CCDC30: variants seen among roughly 807,000 people sequenced by gnomAD.
CCDC30 encodes the protein coiled-coil domain-containing protein 30.
In CCDC30, 70 loss-of-function variants were observed where a neutral mutation model predicts 100.2. The ratio of observed to expected loss-of-function variants is 0.70; its 90% CI spans 0.58 to 0.85. The LOEUF is 0.85. CCDC30 is among the 40% of genes least tolerant of loss of function. The pLI, the probability that CCDC30 is intolerant of heterozygous loss-of-function variation, is 0.00. For missense variants in CCDC30, 652 were observed against 771.2 expected, an observed-to-expected ratio of 0.85 and a Z score of 1.83; for synonymous variants, 233 against 269.5, an observed-to-expected ratio of 0.86 and a Z score of 1.33.
At chr1:42,537,406 A>G (rs1644926166) in intron 6 of CCDC30, 2 of 368,762 alleles carry the variant, frequency 5.4e-6, no homozygotes, top group African/African-American at 4.3e-5. Flanking sequence ...CAGTGAAATA[A>G]GATAGGAAAT....
At chr1:42,538,601 A>C (rs539350291) in intron 6 of CCDC30, among the ~76,000 whole-genome samples, 1 of 152,272 alleles carries the variant, frequency 6.6e-6, no homozygotes, top group Admixed American at 6.5e-5. Flanking sequence ...GCGAGACCGC[A>C]TCAATATAAA....
At chr1:42,471,904 A>G (rs1329049533) in intron 1 of CCDC30, among the ~76,000 whole-genome samples, 1 of 152,230 alleles carries the variant, frequency 6.6e-6, no homozygotes, top group Non-Finnish European at 1.5e-5. Context: ...AAAAAGCAAA[A>G]TAGTATATTT....
intron 6 of CCDC30, among the ~76,000 whole-genome samples, chr1:42,501,108 AG>A (rs1333434615): frequency 1.3e-5 from 2 of 152,176 alleles, no homozygotes; most frequent in Non-Finnish European, 2.9e-5. Context: ...ATCTACTCTA[AG>A]GTCACAAAAT....
chr1:42,529,464 T>TC (rs1644774705), intron 6 of CCDC30: 1 of 109,666 alleles, frequency 9.1e-6, no homozygotes, highest in Non-Finnish European at 1.9e-5. Flanking sequence ...AGAGCAAAAC[T>TC]CCATCTCAAA....
At chr1:42,560,895 G>C (rs184799460) in intron 6 of CCDC30, among the ~76,000 whole-genome samples, 2 of 152,222 alleles carry the variant, frequency 1.3e-5, no homozygotes, top group African/African-American at 4.8e-5. Context: ...ACCCTACCAA[G>C]ACTAAACCAG....
intron 1 of CCDC30, among the ~76,000 whole-genome samples, chr1:42,465,783 G>C (rs1232379345): frequency 6.6e-6 from 1 of 152,104 alleles, no homozygotes; most frequent in Non-Finnish European, 1.5e-5. Flanking sequence ...ACATATAGTT[G>C]GTAGAGATCA....
chr1:42,513,723 T>A (rs1200026166), intron 6 of CCDC30, among the ~76,000 whole-genome samples: 3 of 152,224 alleles, frequency 2.0e-5, no homozygotes, highest in Non-Finnish European at 4.4e-5. Context: ...TCTTTTTAAC[T>A]CCTATATCAT....
intron 6 of CCDC30, among the ~76,000 whole-genome samples, chr1:42,528,950 A>T (rs12407834): frequency 0.39 from 58,720 of 152,110 alleles, 11,804 homozygotes; most frequent in East Asian, 0.59. Context: ...GTACCAGAAT[A>T]GTGTATGTGT....
In CCDC30 at chr1:42,644,457, C is replaced by T. The variant is rs371560885; in HGVS notation, c.1557-236C>T. Among the ~76,000 whole-genome samples, 357 of 152,304 alleles carry T rather than the reference C, an allele frequency of 2.3e-3. 1 individual carries two copies. Among genetic ancestry groups the T allele is most frequent in the Non-Finnish European group, 4.1e-3 (278 of 68,024 alleles). On this transcript the variant is annotated intron_variant, in intron 13 of 16. Coordinates refer to ENST00000668663, the Ensembl canonical transcript of CCDC30. ...CAAATGTTAATCTCCTTTGGCAACA[C>T]CCTCACGGACACACCCAGGATAATA... is the stretch of plus-strand genomic sequence containing the variant.
At chr1:42,647,144 C>T (rs143189419) in intron 15 of CCDC30, among the ~76,000 whole-genome samples, 159 of 151,962 alleles carry the variant, frequency 1.0e-3, no homozygotes, top group African/African-American at 3.8e-3. Context: ...TAAAAGTCAG[C>T]AAGTAGCTGA....
intron 9 of CCDC30, among the ~76,000 whole-genome samples, chr1:42,584,554 C>G (rs1203309590): frequency 6.6e-6 from 1 of 152,116 alleles, no homozygotes; most frequent in African/African-American, 2.4e-5. Context: ...GATGGCGCCA[C>G]TGCACTCCAA....
chr1:42,605,383 C>A (rs894572887), intron 10 of CCDC30, among the ~76,000 whole-genome samples: 1 of 152,186 alleles, frequency 6.6e-6, no homozygotes, highest in African/African-American at 2.4e-5. Context: ...CCTTTGGATG[C>A]CTTTTTCTCC....
At chr1:42,631,389 C>G (rs1444573556) in intron 11 of CCDC30, among the ~76,000 whole-genome samples, 1 of 152,162 alleles carries the variant, frequency 6.6e-6, no homozygotes, top group Non-Finnish European at 1.5e-5. Context: ...ACACAAGCAC[C>G]CTTATGGCCA....
intron 11 of CCDC30, among the ~76,000 whole-genome samples, chr1:42,636,293 C>A (rs751812024): frequency 2.6e-4 from 39 of 152,126 alleles, no homozygotes; most frequent in Admixed American, 5.2e-4. Flanking sequence ...GTGGTGTGCA[C>A]TACTTGGGAT....
At chr1:42,656,664 A>G (rs1247119137), downstream of CCDC30, among the ~76,000 whole-genome samples, 1 of 152,106 alleles carries the variant, frequency 6.6e-6, no homozygotes, top group Non-Finnish European at 1.5e-5. Context: ...AAATAATAAA[A>G]TAAATAAAAA....
At chr1:42,482,605 A>C (rs1335970544) in intron 2 of CCDC30, 58 bp from the exon 3 acceptor site, 1 of 1,104,818 alleles carries the variant, frequency 9.1e-7, no homozygotes, top group East Asian at 3.2e-5. Context: ...GAAAATAGCA[A>C]AATGTCATGA....
At chr1:42,655,867 C>CT (rs766715541), downstream of CCDC30, among the ~76,000 whole-genome samples, 23,058 of 87,460 alleles carry the variant, frequency 0.26, 3,278 homozygotes, top group Non-Finnish European at 0.3. Flanking sequence ...GCTGTTTTTA[C>CT]TTTTTTTTTT....
intron 12 of CCDC30, among the ~76,000 whole-genome samples, chr1:42,639,972 A>C (rs1001163773): frequency 4.6e-5 from 7 of 152,048 alleles, no homozygotes; most frequent in Non-Finnish European, 8.8e-5. Flanking sequence ...GTCTCAAAAA[A>C]AAAAAAAAAA....
At chr1:42,456,992 A>G in the CCDC30 span, 2 of 1,602,320 alleles carry the variant, frequency 1.2e-6, no homozygotes, top group Non-Finnish European at 1.7e-6. Context: ...GGCTGCAGGC[A>G]CCTTCCTGGC....
Sources: allele counts gnomAD v4.1 joint callset (sites outside exome capture counted in the v4.1 genomes callset), GRCh38; gene constraint gnomAD v4.1.1; transcripts MANE v1.5; gene names NCBI Gene and HGNC (gene_info 2026-07-23, HGNC 2026-07-21).